INKA2: variants seen among roughly 807,000 people sequenced by gnomAD.
INKA2 encodes inka box actin regulator 2, also known as PAK4-inhibitor INKA2.
A neutral mutation model predicts 9.8 loss-of-function variants in INKA2; 3 were observed. That is an observed-to-expected ratio of 0.31 (90% CI 0.14 to 0.79). The LOEUF is 0.79. Among genes scored for constraint, INKA2 ranks in the 30% least tolerant of loss-of-function variants. The pLI is 0.62. For missense variants in INKA2, 392 were observed against 384.4 expected (o/e 1.02, Z -0.17); for synonymous variants, 147 against 143.3 (o/e 1.03, Z -0.18).
At chr1:111,743,824 GCCC>G (rs1271902888), upstream of INKA2, among the ~76,000 whole-genome samples, 1 of 152,192 alleles carries the variant, frequency 6.6e-6, no homozygotes. Flanking sequence ...CTCATTCCTT[GCCC>G]CCGACTGTGG....
upstream of INKA2, chr1:111,739,398 T>G (rs918672126): frequency 4.1e-4 from 609 of 1,476,048 alleles, 4 homozygotes; most frequent in Non-Finnish European, 5.6e-5. Flanking sequence ...TCAGAGTCGC[T>G]TCCCCAGCGG....
upstream of INKA2, among the ~76,000 whole-genome samples, chr1:111,739,659 G>A (rs1354051247): frequency 6.6e-6 from 1 of 152,230 alleles, no homozygotes; most frequent in Non-Finnish European, 1.5e-5. Flanking sequence ...AACGAAGCAC[G>A]TGACCCTCGT....
chr1:111,752,694 CTTTTTT>C (rs907281928), intron 1 of INKA2, among the ~76,000 whole-genome samples: 1 of 146,578 alleles, frequency 6.8e-6, no homozygotes, highest in Admixed American at 6.8e-5. Flanking sequence ...TTTTCTTTTT[CTTTTTT>C]TTTTTTCTTT....
chr1:111,726,994 C>G lies in INKA2; in HGVS notation c.868G>C (p.Asp290His). The change falls in exon 2 of 2, where the codon GAT becomes CAT. Residue 290 changes from aspartate to histidine, a missense_variant. By Grantham distance (81) the Asp-to-His change is moderately conservative. Coordinates refer to ENST00000357260, the MANE Select transcript of INKA2 (RefSeq NM_019099.5). ...CAGACCCAAACAGCTGTGTTAATAT[C>G]AAATCCTGAGGGTGAGTGCTCCAGG... ...KALEHSPSGF[D>H]INTAVWV The G allele has an allele frequency of 6.2e-7, 1 of 1,613,798 alleles. No individual in the cohort carries two copies. The highest frequency in any genetic ancestry group is 8.5e-7 in the Non-Finnish European group (1 of 1,179,914).
rs1380614756 is a variant in INKA2 at position 111,727,607 on chromosome 1, A to G, written c.255T>C (p.Pro85=). The G allele has an allele frequency of 9.3e-6, 15 of 1,609,648 alleles. No individual in the cohort carries two copies. In the East Asian group the frequency reaches 2.9e-4, roughly 31 times the overall value. The part of the protein sequence containing the change: ...EHPCWEGGRG[P]ARPTVCSPSS... ...AGGGGGAACAGACTGTGGGCCTGGC[A>G]GGACCTCTGCCACCCTCCCAACAAG... is the stretch of plus-strand genomic sequence containing the variant. Residue 85 remains proline, a synonymous_variant, in exon 2 of 2, where the codon CCT becomes CCC. Coordinates refer to ENST00000357260, the MANE Select transcript of INKA2 (RefSeq NM_019099.5).
chr1:111,755,780 C>T, exon 1 of INKA2: 4 of 1,611,126 alleles, frequency 2.5e-6, no homozygotes, highest in Non-Finnish European at 3.4e-6. Context: ...AGTCTCTCAG[C>T]CTCCGACTCC....
upstream of INKA2, among the ~76,000 whole-genome samples, chr1:111,743,667 G>T (rs1663198687): frequency 6.6e-6 from 1 of 152,236 alleles, no homozygotes; most frequent in Admixed American, 6.5e-5. Flanking sequence ...CCCGAGTGAG[G>T]CAGTATCCAG....
At chr1:111,750,655 T>C (rs1368843448) in intron 1 of INKA2, among the ~76,000 whole-genome samples, 1 of 152,104 alleles carries the variant, frequency 6.6e-6, no homozygotes, top group Admixed American at 6.5e-5. Context: ...TAAGAAACAG[T>C]GTGTGTTGTG....
At chr1:111,746,967 T>C (rs1240985071) in intron 1 of INKA2, 1 of 152,194 alleles carries the variant, frequency 6.6e-6, no homozygotes, top group Admixed American at 6.5e-5. Context: ...ATCTCTAAAG[T>C]TTAAAAATTA....
chr1:111,733,891 A>G (rs1393323676), intron 1 of INKA2, among the ~76,000 whole-genome samples: 1 of 152,144 alleles, frequency 6.6e-6, no homozygotes, highest in Non-Finnish European at 1.5e-5. Flanking sequence ...CCTTTGATAC[A>G]GGCTCCAGCT....
chr1:111,749,410 G>T (rs1390502539), intron 1 of INKA2, among the ~76,000 whole-genome samples: 1 of 145,770 alleles, frequency 6.9e-6, no homozygotes, highest in South Asian at 2.1e-4. Flanking sequence ...TAACTATGCT[G>T]TGTGTGTTGG....
At chr1:111,747,155 T>C (rs1188408078) in intron 1 of INKA2, 1 of 152,270 alleles carries the variant, frequency 6.6e-6, no homozygotes, top group African/African-American at 2.4e-5. Context: ...CACTGCACTT[T>C]GGCAGGTGTT....
chr1:111,737,255 AG>A (rs1213443177), intron 1 of INKA2, among the ~76,000 whole-genome samples: 4 of 152,256 alleles, frequency 2.6e-5, no homozygotes, highest in Non-Finnish European at 5.9e-5. Context: ...TTGGCAGGAG[AG>A]GGTGCAAATC....
intron 1 of INKA2, among the ~76,000 whole-genome samples, chr1:111,749,273 C>T (rs933737906): frequency 2.0e-5 from 3 of 152,140 alleles, no homozygotes; most frequent in African/African-American, 7.2e-5. Context: ...GAGACAACCA[C>T]AACAACAGGA....
rs1459765662 is a variant in INKA2, at chr1:111,724,223, G to A, written c.*2745C>T. 3.3e-5 allele frequency: 5 copies of A among 152,176 alleles called. No individual in the cohort carries two copies. Among genetic ancestry groups the A allele is most frequent in the African/African-American group, 7.2e-5 (3 of 41,412 alleles). 9.4% of individuals were successfully genotyped at this position (152,176 alleles called of 1,614,324 possible). A position where few individuals can be genotyped will look rare whatever the true frequency, so the allele number is the denominator to read the frequency against. On this transcript the variant is annotated 3_prime_UTR_variant, in exon 2 of 2. Transcript: ENST00000357260. ...CCCAAGTCTCTTCTGACTAACCAAT[G>A]GTTCAAAGTCTGCTTATTTTCCACT...
At chr1:111,746,874 A>T (rs1663285385) in intron 1 of INKA2, 1 of 152,212 alleles carries the variant, frequency 6.6e-6, no homozygotes, top group African/African-American at 2.4e-5. Flanking sequence ...CAGAATCCAC[A>T]TCCTCTCGGT....
At chr1:111,739,498 G>A (rs1663094132), upstream of INKA2, 1 of 1,272,636 alleles carries the variant, frequency 7.9e-7, no homozygotes, top group African/African-American at 1.6e-5. Flanking sequence ...AATGGGCAGG[G>A]CGGCCGGGAG....
intron 1 of INKA2, among the ~76,000 whole-genome samples, chr1:111,732,614 TCCA>T (rs1662934135): frequency 7.0e-6 from 1 of 142,924 alleles, no homozygotes; most frequent in African/African-American, 2.7e-5. Context: ...ACTAACCTGC[TCCA>T]CCATCAAAGG....
At chr1:111,734,588 C>G (rs115771494) in intron 1 of INKA2, among the ~76,000 whole-genome samples, 1,596 of 152,296 alleles carry the variant, frequency 0.01, 12 homozygotes, top group Non-Finnish European at 0.017. Flanking sequence ...TGACATCCAG[C>G]GTGTGTCCAC....
Sources: allele counts gnomAD v4.1 joint callset (sites outside exome capture counted in the v4.1 genomes callset), GRCh38; gene constraint gnomAD v4.1.1; transcripts MANE v1.5; gene names NCBI Gene and HGNC (gene_info 2026-07-23, HGNC 2026-07-21).